ZNF727: variants seen among roughly 807,000 people sequenced by gnomAD.
ZNF727 encodes the protein putative zinc finger protein 727.
In ZNF727, 11 loss-of-function variants were observed where a neutral mutation model predicts 11.5. The observed-to-expected ratio is 0.95, with a 90% CI of 0.60 to 1.58. The LOEUF is 1.58. ZNF727 is among the 40% of genes most tolerant of loss of function. The pLI is 0.00. For synonymous variants in ZNF727, 171 were observed against 196.1 expected (o/e 0.87, Z 1.07); for missense variants, 533 against 581.7 (o/e 0.92, Z 0.86).
chr7:64,072,265 A>G (rs1307019023), intron 3 of ZNF727, among the ~76,000 whole-genome samples: 1 of 152,118 alleles, frequency 6.6e-6, no homozygotes, highest in Non-Finnish European at 1.5e-5. Flanking sequence ...TACGTGGGTC[A>G]CATGGCTGCT....
chr7:64,050,731 T>G (rs1789580878), intron 1 of ZNF727, among the ~76,000 whole-genome samples: 2 of 151,762 alleles, frequency 1.3e-5, no homozygotes. Context: ...ACCATAGGCC[T>G]CAAATTTATG....
At chr7:64,058,210 T>C (rs565101692) in intron 1 of ZNF727, among the ~76,000 whole-genome samples, 66 of 152,268 alleles carry the variant, frequency 4.3e-4, no homozygotes, top group Non-Finnish European at 7.5e-4. Flanking sequence ...GGTTCTGCTC[T>C]AGTGCACACA....
Position 64,077,855 on chromosome 7 carries a change from C to CA in ZNF727, c.807dup (p.Asp270ArgfsTer4), listed in dbSNP as rs1271486094. On this transcript the variant is annotated frameshift_variant, in exon 4 of 4. Coordinates refer to ENST00000456806, the MANE Select transcript of ZNF727 (RefSeq NM_001159522.3). LOFTEE classifies it low-confidence loss of function (END_TRUNC). ...TGTCACAAAGCCTTTAGGTGTTGCT[C>CA]AGACCTTACTAAACATAAGAGAATT... The CA allele has an allele frequency of 1.3e-6, 2 of 1,566,818 alleles. No individual in the cohort carries two copies. Among genetic ancestry groups the CA allele is most frequent in the Admixed American group, 3.8e-5 (2 of 52,532 alleles).
rs1015050402 is a variant in ZNF727, at chr7:64,084,001, A to G, written c.*5452A>G. 3.3e-5 allele frequency among the ~76,000 whole-genome samples: 5 copies of G among 152,192 alleles called. No individual in the cohort carries two copies. The highest frequency in any genetic ancestry group is 9.7e-5 in the African/African-American group (4 of 41,434). On this transcript the variant is annotated 3_prime_UTR_variant, in exon 4 of 4. Coordinates refer to ENST00000456806, the MANE Select transcript of ZNF727 (RefSeq NM_001159522.3). Reference sequence around the variant, plus strand: ...ACATTTGATGCTATGTCTTCATTCTAGAATTTATGTGAAAGAACATGGTCA... The same window carrying G: ...ACATTTGATGCTATGTCTTCATTCTGGAATTTATGTGAAAGAACATGGTCA...
In ZNF727 at chr7:64,085,324, T is replaced by G. The variant is rs1457647393; in HGVS notation, c.*6775T>G. 6.6e-6 allele frequency among the ~76,000 whole-genome samples: 1 copy of G among 152,208 alleles called. No individual in the cohort carries two copies. The highest frequency in any genetic ancestry group is 1.5e-5 in the Non-Finnish European group (1 of 68,030). ...ATTGATATAATTGATTTTATTAAAT[T>G]TATTGGGTCAATTTATTCAAGTAGA... On this transcript the variant is annotated 3_prime_UTR_variant, in exon 4 of 4. Coordinates refer to ENST00000456806, the MANE Select transcript of ZNF727 (RefSeq NM_001159522.3).
intron 1 of ZNF727, among the ~76,000 whole-genome samples, chr7:64,059,096 C>T (rs1329920273): frequency 6.6e-6 from 1 of 152,076 alleles, no homozygotes; most frequent in Non-Finnish European, 1.5e-5. Context: ...ATGTGCATGC[C>T]ACCACACCCT....
rs1317157342 is a variant in ZNF727, at chr7:64,082,562, A to G, written c.*4013A>G. On this transcript the variant is annotated 3_prime_UTR_variant, in exon 4 of 4. Transcript: ENST00000456806. ...AAAGGTCTTACCCAGTGAGGAGAAC[A>G]TGACTGGGGACCCACTTAAGAAAGC... Among the ~76,000 whole-genome samples the G allele has an allele frequency of 6.6e-6, 1 of 152,188 alleles. No homozygotes were observed. The highest frequency in any genetic ancestry group is 1.5e-5 in the Non-Finnish European group (1 of 68,024).
intron 1 of ZNF727, among the ~76,000 whole-genome samples, chr7:64,066,921 T>C (rs992488431): frequency 1.2e-4 from 18 of 151,898 alleles, no homozygotes; most frequent in African/African-American, 4.4e-4. Context: ...AGGGCTAATA[T>C]CCAGAATCTA....
intron 2 of ZNF727, 65 bp from the exon 3 acceptor site, chr7:64,069,449 A>C (rs1393141494): frequency 1.6e-6 from 2 of 1,260,256 alleles, no homozygotes. Flanking sequence ...TCTACTGAGC[A>C]TAGTACTAGA....
intron 1 of ZNF727, among the ~76,000 whole-genome samples, chr7:64,060,472 A>C (rs1354035676): frequency 6.6e-6 from 1 of 152,198 alleles, no homozygotes; most frequent in Non-Finnish European, 1.5e-5. Context: ...CTTCCAGAGC[A>C]GTTCAGCCAG....
intron 1 of ZNF727, among the ~76,000 whole-genome samples, chr7:64,063,800 T>C (rs1789818533): frequency 6.6e-6 from 1 of 152,066 alleles, no homozygotes; most frequent in African/African-American, 2.4e-5. Context: ...ATCTACTTGG[T>C]GCCCTATTCT....
rs1246834675 is a variant in ZNF727, at chr7:64,077,615, T to C, written c.566T>C (p.Ile189Thr). 3 of 1,551,652 alleles carry C rather than the reference T, an allele frequency of 1.9e-6. No individual in the cohort carries two copies. Among genetic ancestry groups the C allele is most frequent in the Non-Finnish European group, 2.6e-6 (3 of 1,147,036 alleles). ...GKDCRLSDFT[I>T]QKRIHTADRS... is the part of the protein sequence containing the mutation. Reference sequence around the variant, plus strand: ...GACTGTAGGTTGTCAGATTTTACCATACAGAAGAGAATTCATACTGCAGAT... The same window carrying C: ...GACTGTAGGTTGTCAGATTTTACCACACAGAAGAGAATTCATACTGCAGAT... The change falls in exon 4 of 4, where the codon ATA becomes ACA. Residue 189 changes from isoleucine (I) to threonine (T), a missense_variant. By Grantham distance (89) the Ile-to-Thr change is moderately conservative. Coordinates refer to ENST00000456806, the MANE Select transcript of ZNF727 (RefSeq NM_001159522.3).
intron 1 of ZNF727, among the ~76,000 whole-genome samples, chr7:64,068,245 A>G (rs1429416815): frequency 6.6e-6 from 1 of 151,910 alleles, no homozygotes; most frequent in East Asian, 1.9e-4. Flanking sequence ...GTGATGTGCA[A>G]AAACAAGATT....
In ZNF727 at chr7:64,082,489, G is replaced by A. The variant is rs750096975; in HGVS notation, c.*3940G>A. 7.2e-5 allele frequency among the ~76,000 whole-genome samples: 11 copies of A among 152,190 alleles called. No homozygotes were observed. Among genetic ancestry groups the A allele is most frequent in the African/African-American group, 2.7e-4 (11 of 41,442 alleles). On this transcript the variant is annotated 3_prime_UTR_variant, in exon 4 of 4. Coordinates refer to ENST00000456806, the MANE Select transcript of ZNF727 (RefSeq NM_001159522.3). The stretch of plus-strand genomic sequence containing the variant: ...CTCCATCTAAGGGAGGTATAGACCG[G>A]TTTCCAGCCCCAAAGCAACTGTAGG...
At position 64,085,332 on chromosome 7, in the gene ZNF727, T is replaced by C. The variant is rs1459237653; in HGVS notation, c.*6783T>C. Among the ~76,000 whole-genome samples the C allele has an allele frequency of 6.6e-6, 1 of 152,186 alleles. No individual in the cohort carries two copies. Among genetic ancestry groups the C allele is most frequent in the African/African-American group, 2.4e-5 (1 of 41,438 alleles). ...AATTGATTTTATTAAATTTATTGGGTCAATTTATTCAAGTAGAGTTGAACA... is the reference window on the plus strand; with the variant it reads ...AATTGATTTTATTAAATTTATTGGGCCAATTTATTCAAGTAGAGTTGAACA... On this transcript the variant is annotated 3_prime_UTR_variant, in exon 4 of 4. Coordinates refer to ENST00000456806, the MANE Select transcript of ZNF727 (RefSeq NM_001159522.3).
chr7:64,075,039 A>G (rs1469771613), intron 3 of ZNF727, among the ~76,000 whole-genome samples: 1 of 152,082 alleles, frequency 6.6e-6, no homozygotes, highest in Non-Finnish European at 1.5e-5. Flanking sequence ...TATATGTTAT[A>G]TAAAAAGTGA....
chr7:64,067,826 G>A (rs1789893897), intron 1 of ZNF727, among the ~76,000 whole-genome samples: 1 of 152,016 alleles, frequency 6.6e-6, no homozygotes, highest in South Asian at 2.1e-4. Context: ...GATAGGTGCA[G>A]CAAACCACCT....
rs201180573 is a variant in ZNF727 at position 64,077,368 on chromosome 7, G to A, written c.319G>A (p.Asp107Asn). 2 of 1,551,194 alleles carry A rather than the reference G, an allele frequency of 1.3e-6. No individual in the cohort carries two copies. Among genetic ancestry groups the A allele is most frequent in the Admixed American group, 3.9e-5 (2 of 50,936 alleles). ...GATCCTGAGAAAATCTGGAAGCTGTGACCTTAATACTTTACGTTTAAAGAA... is the reference window on the plus strand; with the variant it reads ...GATCCTGAGAAAATCTGGAAGCTGTAACCTTAATACTTTACGTTTAAAGAA... ...KVILRKSGSC[D>N]LNTLRLKKDY... The change falls in exon 4 of 4, where the codon GAC (aspartate) becomes AAC (asparagine). Residue 107 changes from aspartate to asparagine, a missense_variant. Around this residue, in one of 3 missense-constraint regions of ZNF727, gnomAD observed 463 missense variants for 494.5 expected, o/e 0.94. Coordinates refer to ENST00000456806, the MANE Select transcript of ZNF727 (RefSeq NM_001159522.3).
chr7:64,047,057 G>C (rs1477634270), intron 1 of ZNF727, among the ~76,000 whole-genome samples: 1 of 151,846 alleles, frequency 6.6e-6, no homozygotes, highest in East Asian at 1.9e-4. Flanking sequence ...CAGAATCCCA[G>C]AGCATCATGG....
Sources: allele counts gnomAD v4.1 joint callset (sites outside exome capture counted in the v4.1 genomes callset), GRCh38; gene constraint gnomAD v4.1.1; regional missense constraint gnomAD v4.1.1; transcripts MANE v1.5; gene names NCBI Gene and HGNC (gene_info 2026-07-23, HGNC 2026-07-21).